Variants in PPP2R2B observed in about 807,000 individuals in gnomAD.
PPP2R2B encodes the protein serine/threonine-protein phosphatase 2A 55 kDa regulatory subunit B beta isoform.
A neutral mutation model predicts 46.0 loss-of-function variants in PPP2R2B; 5 were observed. The observed-to-expected ratio is 0.11, with a 90% CI of 0.06 to 0.23. The LOEUF (loss-of-function observed/expected upper bound fraction) is 0.23, where lower values mean the gene tolerates loss of function less well. Among genes scored for constraint, PPP2R2B ranks in the 10% least tolerant of loss-of-function variants. The probability of loss-of-function intolerance (pLI) is 1.00; values close to 1 mark genes in which losing one functional copy is unlikely to be tolerated. For synonymous variants in PPP2R2B, 215 were observed against 206.7 expected, an observed-to-expected ratio of 1.04 and a Z score of -0.34; for missense variants, 367 against 575.0, an observed-to-expected ratio of 0.64 and a Z score of 3.70.
At chr5:147,003,083 G>A (rs1250499923) in intron 1 of PPP2R2B, among the ~76,000 whole-genome samples, 1 of 152,094 alleles carries the variant, frequency 6.6e-6, no homozygotes, top group African/African-American at 2.4e-5. Flanking sequence ...GACCTTTTCT[G>A]TACGAGGGAA....
intron 1 of PPP2R2B, among the ~76,000 whole-genome samples, chr5:146,960,860 C>A (rs903968463): frequency 6.6e-6 from 1 of 152,136 alleles, no homozygotes; most frequent in Non-Finnish European, 1.5e-5. Flanking sequence ...AGGTACACCT[C>A]ACAGCTCCTC....
chr5:146,987,501 G>C (rs895070914), intron 1 of PPP2R2B, among the ~76,000 whole-genome samples: 71 of 152,006 alleles, frequency 4.7e-4, no homozygotes, highest in African/African-American at 1.6e-3. Context: ...ATGAGTTAAA[G>C]AGTTTTATTT....
Position 147,079,469 on chromosome 5 carries a change from T to TATATAC in PPP2R2B, c.50+1589_50+1590insGTATAT, listed in dbSNP as rs1491141938. Among the ~76,000 whole-genome samples, 476 of 139,000 alleles carry TATATAC rather than the reference T, an allele frequency of 3.4e-3. 1 individual carries two copies. The highest frequency in any genetic ancestry group is 8.9e-3 in the African/African-American group (335 of 37,534). The allele number at this position is 139,000 out of a possible 152,430, so 91.2% of individuals were successfully genotyped here. On this transcript the variant is annotated intron_variant, in intron 2 of 10. Transcript: ENST00000394413. ...ACATATATATATATATATATATATA[T>TATATAC]ACATGTGCAATGGAATATTACTCAG...
chr5:146,690,484 A>G (rs1778781730), intron 5 of PPP2R2B, among the ~76,000 whole-genome samples: 1 of 152,124 alleles, frequency 6.6e-6, no homozygotes, highest in African/African-American at 2.4e-5. Context: ...AGTCTTACAA[A>G]TCCTCTTTAT....
chr5:146,876,699 C>T (rs1761916727), intron 2 of PPP2R2B, among the ~76,000 whole-genome samples: 1 of 152,212 alleles, frequency 6.6e-6, no homozygotes, highest in Admixed American at 6.5e-5. Flanking sequence ...GAGCTTACAA[C>T]TCTGCTTTAT....
At chr5:146,808,239 T>A (rs1274032749) in intron 2 of PPP2R2B, among the ~76,000 whole-genome samples, 1 of 152,198 alleles carries the variant, frequency 6.6e-6, no homozygotes, top group Non-Finnish European at 1.5e-5. Context: ...AAATTTAAAT[T>A]AAAAACTCAG....
chr5:146,591,999 T>C, intron 9 of PPP2R2B: 1 of 319,962 alleles, frequency 3.1e-6, no homozygotes, highest in East Asian at 9.7e-5. Context: ...AGGAAAAACT[T>C]GAGCAATAAT....
chr5:146,661,512 A>G (rs768316002), intron 5 of PPP2R2B, among the ~76,000 whole-genome samples: 2 of 152,144 alleles, frequency 1.3e-5, no homozygotes, highest in Non-Finnish European at 2.9e-5. Flanking sequence ...TATAAAATAT[A>G]TATTTGAAAG....
At chr5:146,681,435 A>C (rs572943089) in intron 5 of PPP2R2B, among the ~76,000 whole-genome samples, 1 of 152,334 alleles carries the variant, frequency 6.6e-6, no homozygotes, top group South Asian at 2.1e-4. Context: ...GACCGGAGAC[A>C]CACCCATTGC....
intron 2 of PPP2R2B, among the ~76,000 whole-genome samples, chr5:146,829,200 T>C (rs570316432): frequency 6.6e-6 from 1 of 152,316 alleles, no homozygotes; most frequent in African/African-American, 2.4e-5. Flanking sequence ...ATGATTCTTA[T>C]GGGCCAAAGA....
intron 2 of PPP2R2B, among the ~76,000 whole-genome samples, chr5:146,860,182 C>T (rs959273793): frequency 1.3e-5 from 2 of 152,172 alleles, no homozygotes; most frequent in East Asian, 1.9e-4. Context: ...AAACGTTTTA[C>T]AGGTCCACAC....
intron 1 of PPP2R2B, among the ~76,000 whole-genome samples, chr5:147,023,273 G>A (rs553761974): frequency 1.6e-4 from 24 of 152,192 alleles, no homozygotes; most frequent in African/African-American, 5.5e-4. Flanking sequence ...CCAAAACAAA[G>A]AGGTATAGCA....
chr5:146,655,367 C>T (rs916136043), intron 5 of PPP2R2B, among the ~76,000 whole-genome samples: 27 of 152,234 alleles, frequency 1.8e-4, no homozygotes, highest in Admixed American at 9.8e-4. Context: ...ACGGCTTCCC[C>T]GCTCACTTCA....
chr5:146,627,055 C>T lies in PPP2R2B; in HGVS notation c.790+11196G>A, dbSNP rs139364230. Among the ~76,000 whole-genome samples the T allele has an allele frequency of 3.1e-3, 470 of 152,074 alleles. 2 individuals are homozygous for T. Among genetic ancestry groups the T allele is most frequent in the African/African-American group, 0.011 (449 of 41,466 alleles). ...GCTGCTAAGCTTGAATGGGATAGAG[C>T]AGCTTCAGACATGGGGGTGAGGTGG... On this transcript the variant is annotated intron_variant, in intron 7 of 9. Coordinates refer to ENST00000394411, the MANE Select transcript of PPP2R2B (RefSeq NM_181675.4).
chr5:146,677,622 G>A (rs531825508), intron 5 of PPP2R2B, among the ~76,000 whole-genome samples: 1 of 138,436 alleles, frequency 7.2e-6, no homozygotes, highest in Admixed American at 7.9e-5. Context: ...CACTGCACCA[G>A]GCTCAAGTAG....
At chr5:146,960,858 C>T (rs1752140120) in intron 1 of PPP2R2B, among the ~76,000 whole-genome samples, 1 of 152,094 alleles carries the variant, frequency 6.6e-6, no homozygotes, top group South Asian at 2.1e-4. Flanking sequence ...GAAGGTACAC[C>T]TCACAGCTCC....
At chr5:146,852,735 T>C (rs984940081) in intron 2 of PPP2R2B, among the ~76,000 whole-genome samples, 1 of 152,096 alleles carries the variant, frequency 6.6e-6, no homozygotes, top group Non-Finnish European at 1.5e-5. Context: ...GTGACAATAG[T>C]ATAGACGGTC....
chr5:146,954,949 T>A (rs1227105471), intron 1 of PPP2R2B, among the ~76,000 whole-genome samples: 2 of 152,002 alleles, frequency 1.3e-5, no homozygotes, highest in African/African-American at 4.8e-5. Flanking sequence ...ATAGCCAGAG[T>A]TTCTCTGAAT....
intron 1 of PPP2R2B, among the ~76,000 whole-genome samples, chr5:146,938,650 A>G (rs913849688): frequency 3.3e-5 from 5 of 151,924 alleles, no homozygotes; most frequent in African/African-American, 9.7e-5. Flanking sequence ...TGAATGACAT[A>G]TCAAAATGTT....
Sources: allele counts gnomAD v4.1 joint callset (sites outside exome capture counted in the v4.1 genomes callset), GRCh38; gene constraint gnomAD v4.1.1; transcripts MANE v1.5; gene names NCBI Gene and HGNC (gene_info 2026-07-23, HGNC 2026-07-21).